The following SLC8A3 variants were observed in gnomAD, a reference collection of about 807,000 sequenced individuals.
SLC8A3 encodes the protein solute carrier family 8 member A3.
SLC8A3 carries 37 observed loss-of-function variants against 65.4 expected under a neutral mutation model. The ratio of observed to expected loss-of-function variants is 0.57; its 90% CI spans 0.44 to 0.74. The LOEUF (loss-of-function observed/expected upper bound fraction) is 0.74, where lower values mean the gene tolerates loss of function less well. Ranked by LOEUF, SLC8A3 falls within the 30% of genes least tolerant of loss-of-function variation. The probability of loss-of-function intolerance (pLI) is 0.00; values close to 1 mark genes in which losing one functional copy is unlikely to be tolerated. For missense variants in SLC8A3, 1,112 were observed against 1,172.1 expected, an observed-to-expected ratio of 0.95 and a Z score of 0.75; for synonymous variants, 461 against 444.5, an observed-to-expected ratio of 1.04 and a Z score of -0.47.
intron 1 of SLC8A3, among the ~76,000 whole-genome samples, chr14:70,185,519 G>A (rs1385647638): frequency 6.6e-6 from 1 of 152,210 alleles, no homozygotes; most frequent in Non-Finnish European, 1.5e-5. Context: ...GGGGAGCACA[G>A]GGCATGGGAA....
At chr14:70,075,138 T>C (rs74061047) in intron 2 of SLC8A3, among the ~76,000 whole-genome samples, 6,730 of 152,198 alleles carry the variant, frequency 0.044, 465 homozygotes, top group African/African-American at 0.15. Context: ...TGTGTGTGTG[T>C]GCGCGCATGT....
At chr14:70,095,966 C>T (rs549977746) in intron 2 of SLC8A3, among the ~76,000 whole-genome samples, 97 of 152,204 alleles carry the variant, frequency 6.4e-4, no homozygotes, top group African/African-American at 2.2e-3. Flanking sequence ...ACTGCAACCT[C>T]CACCTCCCGG....
chr14:70,184,456 T>C (rs1386658706), intron 1 of SLC8A3, among the ~76,000 whole-genome samples: 1 of 152,186 alleles, frequency 6.6e-6, no homozygotes, highest in East Asian at 1.9e-4. Context: ...AGAGCTCTTA[T>C]CCATGTTAGG....
chr14:70,170,355 T>A (rs904932736), intron 1 of SLC8A3, among the ~76,000 whole-genome samples: 5 of 152,200 alleles, frequency 3.3e-5, no homozygotes, highest in Admixed American at 2.6e-4. Context: ...GTACATGCCA[T>A]TATTCTCATT....
At chr14:70,174,665 T>TGTTTG (rs1392309662) in intron 1 of SLC8A3, among the ~76,000 whole-genome samples, 1 of 61,042 alleles carries the variant, frequency 1.6e-5, no homozygotes. Flanking sequence ...TTTTTTTGTT[T>TGTTTG]TTTTTTTTTT....
intron 2 of SLC8A3, among the ~76,000 whole-genome samples, chr14:70,068,297 G>A (rs998580617): frequency 2.6e-5 from 4 of 152,162 alleles, no homozygotes; most frequent in African/African-American, 9.7e-5. Flanking sequence ...CTTTATACAG[G>A]AAGGAAGAAT....
At chr14:70,105,430 T>C (rs185088450) in intron 2 of SLC8A3, among the ~76,000 whole-genome samples, 1 of 152,306 alleles carries the variant, frequency 6.6e-6, no homozygotes, top group African/African-American at 2.4e-5. Flanking sequence ...ACAGATCTTA[T>C]AGACATTCAA....
intron 2 of SLC8A3, among the ~76,000 whole-genome samples, chr14:70,137,118 T>C (rs1189356784): frequency 6.6e-6 from 1 of 152,076 alleles, no homozygotes; most frequent in Admixed American, 6.6e-5. Flanking sequence ...CTAGTTCATA[T>C]TGAGAATATT....
chr14:70,157,859 G>C (rs1408378639), intron 2 of SLC8A3, among the ~76,000 whole-genome samples: 1 of 152,168 alleles, frequency 6.6e-6, no homozygotes, highest in Non-Finnish European at 1.5e-5. Flanking sequence ...AGTCTTCCTG[G>C]TGCTATCATG....
At chr14:70,138,744 C>T (rs12147634) in intron 2 of SLC8A3, among the ~76,000 whole-genome samples, 16,191 of 152,192 alleles carry the variant, frequency 0.11, 1,160 homozygotes, top group Non-Finnish European at 0.16. Flanking sequence ...ATTTGTGGAA[C>T]GAGTGTGTCT....
Position 70,046,130 on chromosome 14 carries a change from G to C in SLC8A3, c.2583C>G (p.Leu861=). Residue 861 remains leucine (L), a synonymous_variant, in exon 7 of 7, where the codon CTC becomes CTG. Coordinates refer to ENST00000356921, the MANE Select transcript of SLC8A3 (RefSeq NM_182932.3). This position sits in a 1 kb window ranked among gnomAD's most constrained non-coding sequence, Gnocchi z 4.2. The part of the protein sequence containing the change: ...SAGTLAFSVT[L]FTIFAFVCIS... ...TGCAGACAAATGCAAAGATGGTGAA[G>C]AGGGTGACGGAGAAGGCCAGTGTGC... The C allele has an allele frequency of 6.2e-7, 1 of 1,614,208 alleles. No homozygotes were observed. The highest frequency in any genetic ancestry group is 8.5e-7 in the Non-Finnish European group (1 of 1,180,018).
Position 70,132,105 on chromosome 14 carries a change from C to G in SLC8A3, c.1784+34534G>C, listed in dbSNP as rs147407702. ...TGGAGCTAAAGCCTGGAGCCCTTGG[C>G]TCTTTCTGTGGCATCTGTTTGGTTG... On this transcript the variant is annotated intron_variant, in intron 2 of 6. Coordinates refer to ENST00000356921, the MANE Select transcript of SLC8A3 (RefSeq NM_182932.3). Among the ~76,000 whole-genome samples the G allele has an allele frequency of 5.5e-3, 840 of 152,352 alleles. 4 individuals are homozygous for G. Among genetic ancestry groups the G allele is most frequent in the Middle Eastern group, 0.014 (4 of 294 alleles).
At chr14:70,160,170 C>T (rs374825329) in intron 2 of SLC8A3, among the ~76,000 whole-genome samples, 14 of 152,166 alleles carry the variant, frequency 9.2e-5, no homozygotes, top group Admixed American at 3.9e-4. Flanking sequence ...GGGGGCTGGA[C>T]GTGGTAGCTC....
At chr14:70,136,365 G>A (rs1255926486) in intron 2 of SLC8A3, among the ~76,000 whole-genome samples, 1 of 152,208 alleles carries the variant, frequency 6.6e-6, no homozygotes, top group Non-Finnish European at 1.5e-5. Flanking sequence ...AGTATGTGGA[G>A]CTTTGTTACG....
chr14:70,072,716 C>G (rs187407521), intron 2 of SLC8A3, among the ~76,000 whole-genome samples: 96 of 152,272 alleles, frequency 6.3e-4, no homozygotes, highest in Admixed American at 1.4e-3. Flanking sequence ...AGCATGATCT[C>G]GACTCACTGC....
At chr14:70,152,813 GT>G (rs1361803619) in intron 2 of SLC8A3, among the ~76,000 whole-genome samples, 4 of 152,210 alleles carry the variant, frequency 2.6e-5, no homozygotes, top group African/African-American at 9.6e-5. Context: ...CCAGGGAAAG[GT>G]TCTGGGCAGC....
chr14:70,166,678 T>C lies in SLC8A3; in HGVS notation c.1745A>G (p.Asp582Gly), dbSNP rs1594792913. 5 of 1,611,418 alleles carry C rather than the reference T, an allele frequency of 3.1e-6. No homozygotes were observed. In the East Asian group the frequency reaches 8.9e-5, roughly 29 times the overall value. The change falls in exon 2 of 7, where the codon GAC becomes GGC. Residue 582 changes from aspartate (D) to glycine (G), a missense_variant. By Grantham distance (94) the Asp-to-Gly change is moderately conservative. Transcript: ENST00000356921. ...TAKGGGEDFE[D>G]TYGELEFKND... is the part of the protein sequence containing the mutation. ...CTTGAATTCCAACTCCCCATATGTG[T>C]CTTCAAAGTCCTCACCGCCACCCTT...
rs58927473 is a variant in SLC8A3 at position 70,073,055 on chromosome 14, ACCCTT to A, written c.1785-12121_1785-12117del. The stretch of plus-strand genomic sequence containing the variant: ...GCTCACCCTGAGAATTCTTCCTCTT[ACCCTT>A]CCCTTCCCTTCCCTTCCCTTCCTTC... On this transcript the variant is annotated intron_variant, in intron 2 of 6. Transcript: ENST00000356921. Among the ~76,000 whole-genome samples the A allele has an allele frequency of 9.1e-3, 1,384 of 151,352 alleles. 13 individuals are homozygous for A. Among genetic ancestry groups the A allele is most frequent in the African/African-American group, 0.021 (851 of 41,200 alleles).
At chr14:70,082,246 T>TA (rs146037022) in intron 2 of SLC8A3, among the ~76,000 whole-genome samples, 5,215 of 152,224 alleles carry the variant, frequency 0.034, 310 homozygotes, top group African/African-American at 0.12. Context: ...TAAGATTTTC[T>TA]AAAAATATCA....
Sources: allele counts gnomAD v4.1 joint callset (sites outside exome capture counted in the v4.1 genomes callset), GRCh38; gene constraint gnomAD v4.1.1; non-coding constraint Gnocchi (gnomAD v3.1); transcripts MANE v1.5; gene names NCBI Gene and HGNC (gene_info 2026-07-23, HGNC 2026-07-21).